The following REEP1 variants were observed in gnomAD, a reference collection of about 807,000 sequenced individuals.
The protein encoded by REEP1 is receptor expression-enhancing protein 1.
Under a neutral mutation model 40.3 loss-of-function variants are expected in REEP1, and 22 were observed. The ratio of observed to expected loss-of-function variants is 0.55; its 90% CI spans 0.39 to 0.78. The LOEUF (loss-of-function observed/expected upper bound fraction) is 0.78. Among genes scored for constraint, REEP1 ranks in the 30% least tolerant of loss-of-function variants. The pLI is 0.00. For missense variants in REEP1, 280 were observed against 361.1 expected, an observed-to-expected ratio of 0.78 and a Z score of 1.82; for synonymous variants, 116 against 139.2, an observed-to-expected ratio of 0.83 and a Z score of 1.17.
chr2:86,250,987 C>T (rs564631393), intron 5 of REEP1, among the ~76,000 whole-genome samples: 1 of 152,136 alleles, frequency 6.6e-6, no homozygotes, highest in African/African-American at 2.4e-5. Flanking sequence ...TAAGCCCCAT[C>T]GCCTCCTTCC....
At position 86,315,830 on chromosome 2, in the gene REEP1, A is replaced by T. The variant is rs559225753; in HGVS notation, c.32+21649T>A. ...GTGGGTCCTGGCTGGTTTCAGTCAA[A>T]CACATCCCATGCCCATGCCATAGGG... On this transcript the variant is annotated intron_variant, in intron 1 of 8. Transcript: ENST00000538924. Among the ~76,000 whole-genome samples, 4 of 152,256 alleles carry T rather than the reference A, an allele frequency of 2.6e-5. No individual in the cohort carries two copies. The East Asian group carries it at 5.8e-4, about 22-fold the overall frequency.
chr2:86,214,587 C>T lies in REEP1; in HGVS notation c.*2452G>A, dbSNP rs961417334. The T allele has an allele frequency of 5.2e-5, 8 of 152,634 alleles. No individual in the cohort carries two copies. The highest frequency in any genetic ancestry group is 1.9e-4 in the African/African-American group (8 of 41,448). 9.5% of individuals were successfully genotyped at this position (152,634 alleles called of 1,614,324 possible). A position where few individuals can be genotyped will look rare whatever the true frequency, so the allele number is the denominator to read the frequency against. ...TGTATCCTCTAGACAGAACACCACACCACTACATGTACACTTACAGGCTTT... is the reference window on the plus strand; with the variant it reads ...TGTATCCTCTAGACAGAACACCACATCACTACATGTACACTTACAGGCTTT... On this transcript the variant is annotated 3_prime_UTR_variant, in exon 9 of 9. Transcript: ENST00000538924.
At chr2:86,330,359 C>A (rs1680708031) in intron 1 of REEP1, among the ~76,000 whole-genome samples, 1 of 151,662 alleles carries the variant, frequency 6.6e-6, no homozygotes, top group South Asian at 2.1e-4. Flanking sequence ...GTTATCATCT[C>A]CAGGTGCAGG....
chr2:86,302,784 C>T (rs1679309406), intron 1 of REEP1, among the ~76,000 whole-genome samples: 1 of 152,146 alleles, frequency 6.6e-6, no homozygotes, highest in African/African-American at 2.4e-5. Flanking sequence ...TTAAGGACCC[C>T]TCCAAAATGT....
rs369921519 is a variant in REEP1, at chr2:86,245,054, G to A, written c.417+6903C>T. The stretch of plus-strand genomic sequence containing the variant: ...CCAGCTACTCGGGAGGCTGAGGCAG[G>A]GAGAATTGCTTGAACCTGGGAGGCA... On this transcript the variant is annotated intron_variant, in intron 5 of 8. Transcript: ENST00000538924. Among the ~76,000 whole-genome samples, 327 of 152,266 alleles carry A rather than the reference G, an allele frequency of 2.1e-3. 1 individual carries two copies. Among genetic ancestry groups the A allele is most frequent in the African/African-American group, 7.6e-3 (315 of 41,536 alleles).
At chr2:86,250,362 C>T (rs904535900) in intron 5 of REEP1, among the ~76,000 whole-genome samples, 21 of 152,178 alleles carry the variant, frequency 1.4e-4, no homozygotes, top group Non-Finnish European at 2.5e-4. Context: ...GAGGCTGAGA[C>T]AGGGTTTCCG....
At chr2:86,266,823 C>T (rs1305652720) in intron 2 of REEP1, among the ~76,000 whole-genome samples, 3 of 148,394 alleles carry the variant, frequency 2.0e-5, no homozygotes, top group African/African-American at 5.0e-5. Flanking sequence ...CTGGCTAACA[C>T]GATGAAACCC....
intron 1 of REEP1, among the ~76,000 whole-genome samples, chr2:86,301,213 A>G (rs968492164): frequency 6.6e-6 from 1 of 152,214 alleles, no homozygotes; most frequent in African/African-American, 2.4e-5. Flanking sequence ...TGCTTCTCAG[A>G]GCTGATCACA....
At chr2:86,240,588 C>G (rs1425277849) in intron 5 of REEP1, among the ~76,000 whole-genome samples, 1 of 152,192 alleles carries the variant, frequency 6.6e-6, no homozygotes, top group Non-Finnish European at 1.5e-5. Flanking sequence ...GTGAACCCAC[C>G]TGGGGAGAAG....
At chr2:86,336,386 G>C (rs1020943600) in intron 1 of REEP1, among the ~76,000 whole-genome samples, 4 of 152,038 alleles carry the variant, frequency 2.6e-5, no homozygotes, top group Non-Finnish European at 5.9e-5. Context: ...AAGGGAGATG[G>C]GTGGTGTTTC....
chr2:86,333,403 C>G (rs10210162), intron 1 of REEP1, among the ~76,000 whole-genome samples: 19,946 of 152,178 alleles, frequency 0.13, 2,849 homozygotes, highest in African/African-American at 0.36. Context: ...TTGATCATCA[C>G]ACTGTATTTT....
At chr2:86,334,259 C>T (rs531877205) in intron 1 of REEP1, among the ~76,000 whole-genome samples, 2 of 152,290 alleles carry the variant, frequency 1.3e-5, no homozygotes, top group South Asian at 2.1e-4. Flanking sequence ...TACCTCTGGT[C>T]GGATGGTTGG....
chr2:86,267,006 CAG>C (rs1489472225), intron 2 of REEP1, among the ~76,000 whole-genome samples: 2 of 115,724 alleles, frequency 1.7e-5, no homozygotes, highest in African/African-American at 2.9e-5. Flanking sequence ...GACTCTGTCT[CAG>C]GGGAAAAAAA....
In REEP1 at chr2:86,295,117, G is replaced by C. The variant is rs56145112; in HGVS notation, c.33-12875C>G. Among the ~76,000 whole-genome samples, 220 of 152,368 alleles carry C rather than the reference G, an allele frequency of 1.4e-3. 5 individuals are homozygous for C. The highest frequency in any genetic ancestry group is 5.1e-3 in the African/African-American group (213 of 41,588). ...TCAATGAGCAAAATTTAAATTCTGAGAGAATTTTCAGCACGTGTCTTAATT... is the reference window on the plus strand; with the variant it reads ...TCAATGAGCAAAATTTAAATTCTGACAGAATTTTCAGCACGTGTCTTAATT... On this transcript the variant is annotated intron_variant, in intron 1 of 8. Transcript: ENST00000538924.
chr2:86,282,302 T>C (rs1678140301), intron 1 of REEP1, 60 bp from the exon 2 acceptor site: 4 of 1,309,236 alleles, frequency 3.1e-6, no homozygotes, highest in South Asian at 2.4e-5. Flanking sequence ...TAATGGAAAA[T>C]GTCTGTCTTC....
intron 2 of REEP1, among the ~76,000 whole-genome samples, chr2:86,275,016 C>T (rs1677676121): frequency 6.6e-6 from 1 of 152,224 alleles, no homozygotes; most frequent in South Asian, 2.1e-4. Flanking sequence ...TTAGCTACTT[C>T]TTTAGCCTCA....
At chr2:86,337,796 C>A (rs1681125893), upstream of REEP1, 1 of 800,262 alleles carries the variant, frequency 1.2e-6, no homozygotes, top group Non-Finnish European at 1.7e-6. The surrounding 1 kb of genome is among the most constrained non-coding windows in gnomAD (Gnocchi z 5.8). Flanking sequence ...CCCTGGCCCC[C>A]GGCTGAAGGC....
At chr2:86,249,900 C>A (rs1301326855) in intron 5 of REEP1, among the ~76,000 whole-genome samples, 1 of 152,164 alleles carries the variant, frequency 6.6e-6, no homozygotes, top group Non-Finnish European at 1.5e-5. Flanking sequence ...AAAAGCAAAG[C>A]CCCACAAGGC....
At chr2:86,326,558 C>T (rs1338755589) in intron 1 of REEP1, among the ~76,000 whole-genome samples, 2 of 151,752 alleles carry the variant, frequency 1.3e-5, no homozygotes, top group African/African-American at 4.8e-5. Context: ...ACTAAAAATA[C>T]AAAATTAGCC....
Sources: gnomAD v4.1 joint callset for allele counts (sites outside exome capture counted in the v4.1 genomes callset) on GRCh38, gnomAD v4.1.1 for gene constraint, Gnocchi (gnomAD v3.1) non-coding constraint, MANE v1.5 for transcripts, NCBI Gene and HGNC (gene_info 2026-07-23, HGNC 2026-07-21) for gene names.